Variants in FAM98A observed in about 807,000 individuals in gnomAD.
The protein encoded by FAM98A is protein FAM98A.
FAM98A carries 25 observed loss-of-function variants against 62.9 expected under a neutral mutation model. That is an observed-to-expected ratio of 0.40 (90% CI 0.29 to 0.56). FAM98A has a LOEUF of 0.56. Ranked by LOEUF, FAM98A falls within the 20% of genes least tolerant of loss-of-function variation. The probability of loss-of-function intolerance (pLI) is 0.51; values close to 1 mark genes in which losing one functional copy is unlikely to be tolerated. For synonymous variants in FAM98A, 252 were observed against 228.6 expected, an observed-to-expected ratio of 1.10 and a Z score of -0.92; for missense variants, 653 against 640.7, an observed-to-expected ratio of 1.02 and a Z score of -0.21.
In FAM98A at chr2:33,599,234, T is replaced by C; in HGVS notation, c.-13A>G. 1.2e-6 allele frequency: 2 copies of C among 1,613,030 alleles called. No homozygotes were observed. Among genetic ancestry groups the C allele is most frequent in the Non-Finnish European group, 1.7e-6 (2 of 1,178,958 alleles). ...GGTCACACTCCATGCTACTGTGGTA[T>C]TCAAATTTCCGAGTCGTCAGGCTCC... is the stretch of plus-strand genomic sequence containing the variant. On this transcript the variant is annotated 5_prime_UTR_variant, in exon 1 of 8. Coordinates refer to ENST00000238823, the MANE Select transcript of FAM98A (RefSeq NM_015475.5).
At position 33,584,681 on chromosome 2, in the gene FAM98A, TG is replaced by T; in HGVS notation, c.*94del. 2 of 1,075,500 alleles carry T rather than the reference TG, an allele frequency of 1.9e-6. No homozygotes were observed. The highest frequency in any genetic ancestry group is 2.7e-6 in the Non-Finnish European group (2 of 734,776). The allele number at this position is 1,075,500 out of a possible 1,614,324, so 66.6% of individuals were successfully genotyped here. A position where few individuals can be genotyped will look rare whatever the true frequency, so the allele number is the denominator to read the frequency against. ...CAAGCAGGAATCTGCCTGCCACCTG[TG>T]GTCTCACATTAATTCAAAATAGGTG... On this transcript the variant is annotated 3_prime_UTR_variant, in exon 8 of 8. Transcript: ENST00000238823.
In FAM98A at chr2:33,584,831, C is replaced by G. The variant is rs758305077; in HGVS notation, c.1502G>C (p.Gly501Ala). 1.2e-6 allele frequency: 2 copies of G among 1,614,084 alleles called. No individual in the cohort carries two copies. The highest frequency in any genetic ancestry group is 1.7e-6 in the Non-Finnish European group (2 of 1,179,964). The change falls in exon 8 of 8, where the codon GGA becomes GCA. Residue 501 changes from glycine to alanine, a missense_variant. Physicochemically the swap from Gly to Ala is moderately conservative, Grantham distance 60 (BLOSUM62 0). Transcript: ENST00000238823. The stretch of plus-strand genomic sequence containing the variant: ...TCCAGAATGATTATACTGATAACCT[C>G]CATGCTGGAAATGCTGTTCAAATTG... ...GGQFEQHFQH[G>A]GYQYNHSGFG... is the part of the protein sequence containing the mutation.
Position 33,583,993 on chromosome 2 carries a change from A to G in FAM98A, c.*783T>C, listed in dbSNP as rs1677475870. 1 of 152,638 alleles carries G rather than the reference A, an allele frequency of 6.6e-6. No individual in the cohort carries two copies. The allele number at this position is 152,638 out of a possible 1,614,324, so 9.5% of individuals were successfully genotyped here. A position where few individuals can be genotyped will look rare whatever the true frequency, so the allele number is the denominator to read the frequency against. ...TGCATAAAACAAATTTCGGTTTGCT[A>G]TTTCTTCTAGCAAATTTCAAGTAAA... On this transcript the variant is annotated 3_prime_UTR_variant, in exon 8 of 8. Coordinates refer to ENST00000238823, the MANE Select transcript of FAM98A (RefSeq NM_015475.5).
In FAM98A at chr2:33,585,596, G is replaced by C. The variant is rs1204946353; in HGVS notation, c.822C>G (p.Asp274Glu). 4 of 1,614,136 alleles carry C rather than the reference G, an allele frequency of 2.5e-6. No individual in the cohort carries two copies. Among genetic ancestry groups the C allele is most frequent in the Non-Finnish European group, 3.4e-6 (4 of 1,180,026 alleles). Residue 274 changes from aspartate (D) to glutamate (E), a missense_variant, in exon 7 of 8, where the codon GAC becomes GAG. Physicochemically the swap from Asp to Glu is conservative, Grantham distance 45. Coordinates refer to ENST00000238823, the MANE Select transcript of FAM98A (RefSeq NM_015475.5). ...TGCTTGTCCTTAAAATCTTTGACAA[G>C]TCCTGCCTTGCAGCCAAAAGATGGG... is the stretch of plus-strand genomic sequence containing the variant. ...SVAHLLAARQ[D>E]LSKILRTSSG...
Position 33,585,578 on chromosome 2 carries a change from C to A in FAM98A, c.840G>T (p.Arg280Ser), listed in dbSNP as rs1677528454. The A allele has an allele frequency of 2.5e-6, 4 of 1,614,036 alleles. No individual in the cohort carries two copies. The highest frequency in any genetic ancestry group is 2.5e-6 in the Non-Finnish European group (3 of 1,180,034). ...AARQDLSKIL[R>S]TSSGSIREKT... is the part of the protein sequence containing the mutation. ...TTTCTCTTATAGAGCCGCTGCTTGT[C>A]CTTAAAATCTTTGACAAGTCCTGCC... The change falls in exon 7 of 8, where the codon AGG becomes AGT. Residue 280 changes from arginine (R) to serine (S), a missense_variant. Coordinates refer to ENST00000238823, the MANE Select transcript of FAM98A (RefSeq NM_015475.5).
In FAM98A at chr2:33,584,625, G is replaced by T; in HGVS notation, c.*151C>A. 3.0e-6 allele frequency: 2 copies of T among 669,606 alleles called. No individual in the cohort carries two copies. The highest frequency in any genetic ancestry group is 2.6e-6 in the Non-Finnish European group (1 of 387,128). 41.5% of individuals were successfully genotyped at this position (669,606 alleles called of 1,614,324 possible). A position where few individuals can be genotyped will look rare whatever the true frequency, so the allele number is the denominator to read the frequency against. On this transcript the variant is annotated 3_prime_UTR_variant, in exon 8 of 8. Transcript: ENST00000238823. ...GTAAGTCCAATAAAAAAATCTAACA[G>T]AATTGAATGAAGACCTACAAATGCT...
intron 3 of FAM98A, among the ~76,000 whole-genome samples, chr2:33,591,146 A>G (rs1156810391): frequency 6.6e-6 from 1 of 152,198 alleles, no homozygotes; most frequent in African/African-American, 2.4e-5. Context: ...GGGAAGTTAC[A>G]AAAGTGATTC....
rs377753107 is a variant in FAM98A, at chr2:33,599,291, T to C, written c.-70A>G. 1.6e-3 allele frequency: 2,050 copies of C among 1,303,654 alleles called. 4 individuals are homozygous for C. The highest frequency in any genetic ancestry group is 4.4e-3 in the Middle Eastern group (24 of 5,484). 80.8% of individuals were successfully genotyped at this position (1,303,654 alleles called of 1,614,324 possible). On this transcript the variant is annotated 5_prime_UTR_variant, in exon 1 of 8. An upstream start codon of the reference 5' UTR is lost. Transcript: ENST00000238823. ...CGCCGGCAACGCGTACACTCGCGCA[T>C]GCGCGACTTCCCCGGAACTTCCAAA... is the stretch of plus-strand genomic sequence containing the variant.
In FAM98A at chr2:33,585,645, G is replaced by C. The variant is rs1283045413; in HGVS notation, c.773C>G (p.Ser258Cys). ...GGCAACAGAAATAGTAGTTTTAGGG[G>C]ATAAGACTGAACGTTTCGGCTGGTA... ...KVYQPKRSVL[S>C]PKTTISVAHL... The change falls in exon 7 of 8, where the codon TCC (serine) becomes TGC (cysteine). Residue 258 changes from serine to cysteine, a missense_variant. Transcript: ENST00000238823. The C allele has an allele frequency of 1.2e-6, 2 of 1,613,940 alleles. No homozygotes were observed. The highest frequency in any genetic ancestry group is 2.7e-5 in the African/African-American group (2 of 74,904).
intron 1 of FAM98A, among the ~76,000 whole-genome samples, chr2:33,597,698 TTCATTCCAC>T (rs1677844742): frequency 6.6e-6 from 1 of 152,324 alleles, no homozygotes; most frequent in South Asian, 2.1e-4. Flanking sequence ...CCCCCTTCCT[TTCATTCCAC>T]TCATTCCACT....
chr2:33,587,430 A>C, intron 4 of FAM98A, 110 bp from the exon 5 acceptor site: 1 of 830,014 alleles, frequency 1.2e-6, no homozygotes, highest in Non-Finnish European at 2.0e-6. Context: ...ACAGAGGCAA[A>C]GGTGGAGGAT....
rs146433496 is a variant in FAM98A at position 33,593,175 on chromosome 2, G to A, written c.203-961C>T. 1.9e-3 allele frequency among the ~76,000 whole-genome samples: 293 copies of A among 152,300 alleles called. 1 individual carries two copies. The highest frequency in any genetic ancestry group is 6.8e-3 in the African/African-American group (282 of 41,572). On this transcript the variant is annotated intron_variant, in intron 2 of 7. Coordinates refer to ENST00000238823, the MANE Select transcript of FAM98A (RefSeq NM_015475.5). ...TTCCAGCACTTTGGAAGGCCGAGACGAGTGGATGGTTTGAGTTCAGGAGTT... is the reference window on the plus strand; with the variant it reads ...TTCCAGCACTTTGGAAGGCCGAGACAAGTGGATGGTTTGAGTTCAGGAGTT...
Position 33,588,500 on chromosome 2 carries a change from T to C in FAM98A, c.357A>G (p.Leu119=). The C allele has an allele frequency of 6.2e-7, 1 of 1,613,582 alleles. No individual in the cohort carries two copies. Among genetic ancestry groups the C allele is most frequent in the Non-Finnish European group, 8.5e-7 (1 of 1,179,728 alleles). The part of the protein sequence containing the change: ...LLLLTYLISE[L]EAARMLCVNA... ...TCACACAGAGCATTCTGGCAGCTTC[T>C]AGTTCTGAGATGAGGTATGCTGAAG... The change falls in exon 4 of 8, where the codon CTA becomes CTG. Residue 119 remains leucine (L), a synonymous_variant. Coordinates refer to ENST00000238823, the MANE Select transcript of FAM98A (RefSeq NM_015475.5).
rs200659199 is a variant in FAM98A at position 33,584,933 on chromosome 2, C to G, written c.1400G>C (p.Arg467Pro). 6.2e-7 allele frequency: 1 copy of G among 1,614,000 alleles called. No individual in the cohort carries two copies. Among genetic ancestry groups the G allele is most frequent in the Admixed American group, 1.7e-5 (1 of 60,014 alleles). The stretch of plus-strand genomic sequence containing the variant: ...GCCTGCACGACCACCTCGGCCTCCA[C>G]GACCACCTCGCCCACCACGACCACC... The part of the protein sequence containing the change: ...RGGGRGGRGG[R>P]GGRGGRAGQG... Residue 467 changes from arginine (R) to proline (P), a missense_variant, in exon 8 of 8, where the codon CGT (arginine) becomes CCT (proline). Physicochemically the swap from Arg to Pro is moderately radical, Grantham distance 103 (BLOSUM62 -2). Transcript: ENST00000238823.
rs1278364883 is a variant in FAM98A, at chr2:33,584,925, G to A, written c.1408C>T (p.Arg470Ter). ...CCTCCCTGGCCTGCACGACCACCTC[G>A]GCCTCCACGACCACCTCGCCCACCA... ...GRGGRGGRGGRGGRAGQGGGW... is the reference protein window; with the variant it reads ...GRGGRGGRGG Residue 470 changes from arginine (R) to a stop codon, truncating the protein, a stop_gained, in exon 8 of 8, where the codon CGA becomes TGA. Transcript: ENST00000238823. LOFTEE classifies it high-confidence loss of function. 1.9e-6 allele frequency: 3 copies of A among 1,613,298 alleles called. No homozygotes were observed. The highest frequency in any genetic ancestry group is 2.5e-6 in the Non-Finnish European group (3 of 1,179,758).
intron 3 of FAM98A, among the ~76,000 whole-genome samples, chr2:33,591,330 A>C (rs1035128615): frequency 6.6e-6 from 1 of 152,222 alleles, no homozygotes; most frequent in Non-Finnish European, 1.5e-5. Context: ...TAGCCAGTTA[A>C]CCAAAGCTTA....
chr2:33,596,604 T>G (rs1456246812), intron 1 of FAM98A, among the ~76,000 whole-genome samples: 1 of 152,112 alleles, frequency 6.6e-6, no homozygotes, highest in East Asian at 1.9e-4. Context: ...GATAATATAA[T>G]GTTTAGGCCA....
chr2:33,595,425 G>A, intron 2 of FAM98A, 64 bp downstream of exon 2: 1 of 1,355,462 alleles, frequency 7.4e-7, no homozygotes, highest in Non-Finnish European at 1.0e-6. Context: ...TATTGATAAT[G>A]TTCAGTTGAC....
chr2:33,585,323 C>G lies in FAM98A; in HGVS notation c.1010G>C (p.Gly337Ala). 1 of 1,614,166 alleles carries G rather than the reference C, an allele frequency of 6.2e-7. No homozygotes were observed. The highest frequency in any genetic ancestry group is 1.7e-5 in the Admixed American group (1 of 60,028). Reference protein sequence around the residue: ...DGPQQQTGGRGGGRGGYEHSS... With the variant: ...DGPQQQTGGRAGGRGGYEHSS... Reference sequence around the variant, plus strand: ...ATGTTCATAGCCACCTCTCCCTCCTCCTCGGCCTCCTGTTTGCTGCTGGGG... The same window carrying G: ...ATGTTCATAGCCACCTCTCCCTCCTGCTCGGCCTCCTGTTTGCTGCTGGGG... The change falls in exon 8 of 8, where the codon GGA becomes GCA. Residue 337 changes from glycine to alanine, a missense_variant. Transcript: ENST00000238823.
Sources: allele counts gnomAD v4.1 joint callset (sites outside exome capture counted in the v4.1 genomes callset), GRCh38; gene constraint gnomAD v4.1.1; transcripts MANE v1.5; gene names NCBI Gene and HGNC (gene_info 2026-07-23, HGNC 2026-07-21).